Variants in NLRP6 observed in about 807,000 individuals in gnomAD.
The protein encoded by NLRP6 is NACHT, LRR and PYD domains-containing protein 6.
Under a neutral mutation model 70.9 loss-of-function variants are expected in NLRP6, and 55 were observed. The observed-to-expected ratio is 0.78, with a 90% CI of 0.62 to 0.97. The LOEUF is 0.97. Ranked by LOEUF, NLRP6 falls within the 50% of genes least tolerant of loss-of-function variation. The pLI is 0.00. For synonymous variants in NLRP6, 652 were observed against 581.9 expected, an observed-to-expected ratio of 1.12 and a Z score of -1.73; for missense variants, 1,241 against 1,238.3, an observed-to-expected ratio of 1.00 and a Z score of -0.03.
Position 280,193 on chromosome 11 carries a change from G to T in NLRP6, c.459G>T (p.Ala153=), listed in dbSNP as rs751651979. 5.7e-5 allele frequency: 88 copies of T among 1,547,058 alleles called. No individual in the cohort carries two copies. Among genetic ancestry groups the T allele is most frequent in the Non-Finnish European group, 6.9e-5 (79 of 1,145,954 alleles). ...AGCGCTTCACCAAGCTGCTCATCGCGCCCGAGAGCGCCGCCCCGGAGGAGG... is the reference window on the plus strand; with the variant it reads ...AGCGCTTCACCAAGCTGCTCATCGCTCCCGAGAGCGCCGCCCCGGAGGAGG... The part of the protein sequence containing the change: ...ITKRFTKLLI[A]PESAAPEEAM... Residue 153 remains alanine (A), a synonymous_variant, in exon 4 of 8, where the codon GCG becomes GCT. Transcript: ENST00000534750.
intron 4 of NLRP6, 30 bp from the exon 5 acceptor site, chr11:282,675 T>G (rs1449162291): frequency 6.4e-7 from 1 of 1,557,996 alleles, no homozygotes; most frequent in Non-Finnish European, 8.9e-7. Flanking sequence ...AGGAGCAGGG[T>G]GGGCTTCACC....
intron 5 of NLRP6, 21 bp from the exon 6 acceptor site, chr11:284,209 C>T (rs1045102449): frequency 7.4e-6 from 12 of 1,611,694 alleles, no homozygotes; most frequent in Admixed American, 6.7e-5. Context: ...GCAGGTAAAT[C>T]TCTGTGCTTC....
In NLRP6 at chr11:281,416, G is replaced by A; in HGVS notation, c.1682G>A (p.Arg561His). ...LSAERMRDIE[R>H]HFGCMVSERV... is the part of the protein sequence containing the mutation. ...GCGGAGCGGATGCGCGACATCGAGC[G>A]CCACTTCGGCTGCATGGTTTCAGAG... The change falls in exon 4 of 8, where the codon CGC (arginine) becomes CAC (histidine). Residue 561 changes from arginine (R) to histidine (H), a missense_variant. Coordinates refer to ENST00000534750, the MANE Select transcript of NLRP6 (RefSeq NM_001276700.2). The A allele has an allele frequency of 6.2e-7, 1 of 1,608,136 alleles. No individual in the cohort carries two copies. The highest frequency in any genetic ancestry group is 8.5e-7 in the Non-Finnish European group (1 of 1,177,558).
chr11:281,096 C>A lies in NLRP6; in HGVS notation c.1362C>A (p.Leu454=), dbSNP rs370624645. The change falls in exon 4 of 8, where the codon CTC becomes CTA. Residue 454 remains leucine (L), a synonymous_variant. Coordinates refer to ENST00000534750, the MANE Select transcript of NLRP6 (RefSeq NM_001276700.2). Reference sequence around the variant, plus strand: ...GCCGCCTGGCCCGCGAGGGCGTCCTCGGACGCAGGGCGCAGTTTGCCGAGA... The same window carrying A: ...GCCGCCTGGCCCGCGAGGGCGTCCTAGGACGCAGGGCGCAGTTTGCCGAGA... ...NLCRLAREGV[L]GRRAQFAEKE... is the part of the protein sequence containing the mutation. The A allele has an allele frequency of 1.6e-5, 26 of 1,612,546 alleles. No individual in the cohort carries two copies. The highest frequency in any genetic ancestry group is 8.5e-7 in the Non-Finnish European group (1 of 1,179,716).
chr11:284,565 C>T lies in NLRP6; in HGVS notation c.2460C>T (p.Gly820=). ...CCCTGACCACCCTGGATCTCAGCGG[C>T]TGCCAACTGCCCGCCCCCATGGTGA... ...SPALTTLDLS[G]CQLPAPMVTY... Residue 820 remains glycine (G), a synonymous_variant, in exon 7 of 8, where the codon GGC becomes GGT. Coordinates refer to ENST00000534750, the MANE Select transcript of NLRP6 (RefSeq NM_001276700.2). 6.2e-7 allele frequency: 1 copy of T among 1,612,578 alleles called. No individual in the cohort carries two copies. The highest frequency in any genetic ancestry group is 1.1e-5 in the South Asian group (1 of 91,078).
chr11:279,472 G>T lies in NLRP6; in HGVS notation c.175G>T (p.Ala59Ser). 1 of 1,421,688 alleles carries T rather than the reference G, an allele frequency of 7.0e-7. No individual in the cohort carries two copies. The allele number at this position is 1,421,688 out of a possible 1,614,324, so 88.1% of individuals were successfully genotyped here. A position where few individuals can be genotyped will look rare whatever the true frequency, so the allele number is the denominator to read the frequency against. The change falls in exon 2 of 8, where the codon GCG becomes TCG. Residue 59 changes from alanine to serine, a missense_variant. Physicochemically the swap from Ala to Ser is moderately conservative, Grantham distance 99. Transcript: ENST00000534750. ...RSIPWGRLER[A>S]DAVDLAEQLA... ...CATCCCGTGGGGGCGGCTGGAGCGC[G>T]CGGACGCCGTGGACCTCGCGGAGCA...
Position 285,224 on chromosome 11 carries a change from G to T in NLRP6, c.2596G>T (p.Ala866Ser). ...SLQELQAVKR[A>S]KPDLVITHPA... ...ACAGGAGCTTCAGGCTGTGAAGAGAGCAAAGCCGGATCTGGTCATCACACA... is the reference window on the plus strand; with the variant it reads ...ACAGGAGCTTCAGGCTGTGAAGAGATCAAAGCCGGATCTGGTCATCACACA... The change falls in exon 8 of 8, where the codon GCA becomes TCA. Residue 866 changes from alanine to serine, a missense_variant. Ala to Ser is a moderately conservative substitution (Grantham distance 99). Transcript: ENST00000534750. The T allele has an allele frequency of 6.2e-7, 1 of 1,602,326 alleles. No individual in the cohort carries two copies. The highest frequency in any genetic ancestry group is 8.5e-7 in the Non-Finnish European group (1 of 1,173,868).
chr11:279,669 T>C, intron 2 of NLRP6, 62 bp downstream of exon 2: 2 of 1,365,316 alleles, frequency 1.5e-6, no homozygotes, highest in African/African-American at 3.1e-5. Context: ...TCCTTCCCGC[T>C]TCCCGGAGAA....
Position 281,664 on chromosome 11 carries a change from C to G in NLRP6, c.1930C>G (p.Leu644Val). ...VRQALCRFPELALQRVRFCRM... is the reference protein window; with the variant it reads ...VRQALCRFPEVALQRVRFCRM... ...CCAAGCCCTGTGCCGGTTCCCGGAG[C>G]TGGCGCTGCAGCGAGTGCGCTTCTG... The change falls in exon 4 of 8, where the codon CTG becomes GTG. Residue 644 changes from leucine (L) to valine (V), a missense_variant. Transcript: ENST00000534750. The G allele has an allele frequency of 1.2e-6, 2 of 1,613,426 alleles. No homozygotes were observed. Among genetic ancestry groups the G allele is most frequent in the Non-Finnish European group, 1.7e-6 (2 of 1,180,010 alleles).
At position 279,855 on chromosome 11, in the gene NLRP6, C is replaced by A; in HGVS notation, c.332C>A (p.Thr111Lys). Residue 111 changes from threonine to lysine, a missense_variant, in exon 3 of 8, where the codon ACG becomes AAG. Physicochemically the swap from Thr to Lys is moderately conservative, Grantham distance 78. Transcript: ENST00000534750. ...CCAGGGCTCGGGCTCGGCTCCGGGACGCTGCTCTCCGTGTCCGGTGGGTCT... is the reference window on the plus strand; with the variant it reads ...CCAGGGCTCGGGCTCGGCTCCGGGAAGCTGCTCTCCGTGTCCGGTGGGTCT... ...RLQRLGLGSG[T>K]LLSVSEYKKK... 3 of 1,557,950 alleles carry A rather than the reference C, an allele frequency of 1.9e-6. No homozygotes were observed. The highest frequency in any genetic ancestry group is 1.7e-6 in the Non-Finnish European group (2 of 1,156,142).
At chr11:283,023 C>T (rs1845500476) in intron 5 of NLRP6, among the ~76,000 whole-genome samples, 1 of 152,138 alleles carries the variant, frequency 6.6e-6, no homozygotes, top group South Asian at 2.1e-4. Flanking sequence ...AAGGTTGGTC[C>T]TGGTGAGTGG....
Position 280,683 on chromosome 11 carries a change from C to A in NLRP6, c.949C>A (p.Leu317Met). The A allele has an allele frequency of 6.4e-7, 1 of 1,556,600 alleles. No individual in the cohort carries two copies. Among genetic ancestry groups the A allele is most frequent in the Non-Finnish European group, 8.6e-7 (1 of 1,156,794 alleles). Residue 317 changes from leucine to methionine, a missense_variant, in exon 4 of 8, where the codon CTG becomes ATG. By Grantham distance (15) the Leu-to-Met change is conservative. Transcript: ENST00000534750. ...AGGCGGGCTGCTGAGCAAGGCGCTG[C>A]TGCCCACGGCCCTCCTGCTGGTGAC... ...VLGGLLSKAL[L>M]PTALLLVTTR...
At position 281,692 on chromosome 11, in the gene NLRP6, G is replaced by C. The variant is rs148388963; in HGVS notation, c.1958G>C (p.Arg653Pro). 8,709 of 1,613,438 alleles carry C rather than the reference G, an allele frequency of 5.4e-3. 38 individuals are homozygous for C. The highest frequency in any genetic ancestry group is 6.2e-3 in the Non-Finnish European group (7,315 of 1,180,030). ...ELALQRVRFC[R>P]MDVAVLSYCV... is the part of the protein sequence containing the mutation. ...GCGCTGCAGCGAGTGCGCTTCTGCC[G>C]CATGGACGTGGCTGTTCTGAGCTAC... is the stretch of plus-strand genomic sequence containing the variant. Residue 653 changes from arginine to proline, a missense_variant, in exon 4 of 8, where the codon CGC becomes CCC. By Grantham distance (103) the Arg-to-Pro change is moderately radical. Coordinates refer to ENST00000534750, the MANE Select transcript of NLRP6 (RefSeq NM_001276700.2).
At position 280,095 on chromosome 11, in the gene NLRP6, A is replaced by C; in HGVS notation, c.361A>C (p.Lys121Gln). The C allele has an allele frequency of 6.6e-7, 1 of 1,509,972 alleles. No homozygotes were observed. The highest frequency in any genetic ancestry group is 1.3e-5 in the South Asian group (1 of 78,898). 93.5% of individuals were successfully genotyped at this position (1,509,972 alleles called of 1,614,324 possible). ...TLLSVSEYKK[K>Q]YREHVLQLHA... ...CCCGCTGCGCCCAGAGTACAAGAAG[A>C]AGTACCGGGAGCACGTGCTGCAGCT... The change falls in exon 4 of 8, where the codon AAG becomes CAG. Residue 121 changes from lysine (K) to glutamine (Q), a missense_variant. Physicochemically the swap from Lys to Gln is moderately conservative, Grantham distance 53. Transcript: ENST00000534750.
chr11:284,582 C>T lies in NLRP6; in HGVS notation c.2477C>T (p.Pro826Leu), dbSNP rs763263839. The T allele has an allele frequency of 5.0e-6, 8 of 1,612,096 alleles. No individual in the cohort carries two copies. Among genetic ancestry groups the T allele is most frequent in the African/African-American group, 2.7e-5 (2 of 75,028 alleles). The part of the protein sequence containing the change: ...LDLSGCQLPA[P>L]MVTYLCAVLQ... ...CTCAGCGGCTGCCAACTGCCCGCCC[C>T]CATGGTGACCTACCTGTGTGCAGTC... The change falls in exon 7 of 8, where the codon CCC (proline) becomes CTC (leucine). Residue 826 changes from proline to leucine, a missense_variant. By Grantham distance (98) the Pro-to-Leu change is moderately conservative. Coordinates refer to ENST00000534750, the MANE Select transcript of NLRP6 (RefSeq NM_001276700.2).
At chr11:283,655 T>G (rs140839367) in intron 5 of NLRP6, among the ~76,000 whole-genome samples, 1 of 152,216 alleles carries the variant, frequency 6.6e-6, no homozygotes, top group African/African-American at 2.4e-5. Context: ...CAGTCACTCT[T>G]AGCTACCACC....
rs1335232073 is a variant in NLRP6, at chr11:279,321, C to T, written c.30-6C>T. 7.8e-7 allele frequency: 1 copy of T among 1,274,708 alleles called. No homozygotes were observed. Among genetic ancestry groups the T allele is most frequent in the South Asian group, 2.6e-5 (1 of 38,552 alleles). 79.0% of individuals were successfully genotyped at this position (1,274,708 alleles called of 1,614,324 possible). On this transcript the variant is annotated splice_region_variant and splice_polypyrimidine_tract_variant and intron_variant, in intron 1 of 7. Transcript: ENST00000534750. ...TCCCCGATGACCCGCGCCCGCCCGC[C>T]TCCAGCACGGGGCCGCGCCTCGCGG...
At chr11:283,346 C>T (rs979557228) in intron 5 of NLRP6, among the ~76,000 whole-genome samples, 2 of 144,666 alleles carry the variant, frequency 1.4e-5, no homozygotes, top group Non-Finnish European at 3.0e-5. Flanking sequence ...CGGAGCCTCG[C>T]TCTGTCGCCC....
rs181214211 is a variant in NLRP6, at chr11:285,234, A to G, written c.2606A>G (p.Asp869Gly). The change falls in exon 8 of 8, where the codon GAT (aspartate) becomes GGT (glycine). Residue 869 changes from aspartate (D) to glycine (G), a missense_variant. By Grantham distance (94) the Asp-to-Gly change is moderately conservative. Coordinates refer to ENST00000534750, the MANE Select transcript of NLRP6 (RefSeq NM_001276700.2). Reference sequence around the variant, plus strand: ...CAGGCTGTGAAGAGAGCAAAGCCGGATCTGGTCATCACACACCCAGCGCTG... The same window carrying G: ...CAGGCTGTGAAGAGAGCAAAGCCGGGTCTGGTCATCACACACCCAGCGCTG... The part of the protein sequence containing the change: ...ELQAVKRAKP[D>G]LVITHPALDG... The G allele has an allele frequency of 8.2e-5, 132 of 1,605,536 alleles. No homozygotes were observed. The East Asian group carries it at 2.8e-3, about 34-fold the overall frequency.
Sources: allele counts gnomAD v4.1 joint callset (sites outside exome capture counted in the v4.1 genomes callset), GRCh38; gene constraint gnomAD v4.1.1; transcripts MANE v1.5; gene names NCBI Gene and HGNC (gene_info 2026-07-23, HGNC 2026-07-21).